The following ZNF83 variants were observed in gnomAD, a reference collection of about 807,000 sequenced individuals.
ZNF83 encodes zinc finger protein 83, also known as zinc finger protein 816B.
For missense variants in ZNF83, 552 were observed against 629.9 expected (o/e 0.88, Z 1.32); for synonymous variants, 209 against 213.0 (o/e 0.98, Z 0.17).
chr19:52,614,108 C>T (rs1336186019), exon 3 of ZNF83: 23 of 1,613,758 alleles, frequency 1.4e-5, no homozygotes, highest in Non-Finnish European at 1.9e-5. Context: ...TTGCCACATT[C>T]ATTACATTTA....
intron 1 of ZNF83, among the ~76,000 whole-genome samples, chr19:52,677,329 A>AAAAAAT (rs1555791128): frequency 3.9e-5 from 5 of 129,134 alleles, no homozygotes; most frequent in African/African-American, 5.9e-5. Flanking sequence ...AAAAAAAAAA[A>AAAAAAT]ACAAAAATTA....
At chr19:52,634,470 A>G (rs1383224641) in intron 2 of ZNF83, among the ~76,000 whole-genome samples, 2 of 152,184 alleles carry the variant, frequency 1.3e-5, no homozygotes, top group Middle Eastern at 3.2e-3. Flanking sequence ...ATCTCCTGCT[A>G]TTATTCAGGT....
At chr19:52,675,679 T>C (rs1416790438) in intron 1 of ZNF83, among the ~76,000 whole-genome samples, 1 of 152,038 alleles carries the variant, frequency 6.6e-6, no homozygotes, top group Non-Finnish European at 1.5e-5. Flanking sequence ...CAGATCAATG[T>C]ACCATGTGAT....
intron 2 of ZNF83, among the ~76,000 whole-genome samples, chr19:52,624,828 T>C (rs921739396): frequency 5.5e-4 from 84 of 152,254 alleles, no homozygotes; most frequent in African/African-American, 2.0e-3. Flanking sequence ...TCCACATTTC[T>C]CATAACTTCC....
chr19:52,678,897 C>T (rs980822260), intron 1 of ZNF83, among the ~76,000 whole-genome samples: 8 of 151,580 alleles, frequency 5.3e-5, no homozygotes, highest in African/African-American at 1.7e-4. Context: ...ATCACTTGAA[C>T]CCAGGAGGCC....
chr19:52,630,142 C>T (rs894854803), intron 2 of ZNF83, among the ~76,000 whole-genome samples: 5 of 152,196 alleles, frequency 3.3e-5, no homozygotes, highest in East Asian at 1.9e-4. Context: ...CACTGAAAAT[C>T]GGACCGTTCA....
At chr19:52,669,674 C>T (rs1347122138) in intron 1 of ZNF83, among the ~76,000 whole-genome samples, 5 of 152,136 alleles carry the variant, frequency 3.3e-5, no homozygotes, top group African/African-American at 1.2e-4. Flanking sequence ...TAAATGACCC[C>T]TTTTCAGGAT....
In ZNF83 at chr19:52,683,802, C is replaced by T. The variant is rs114673579; in HGVS notation, c.-283+6641G>A. 4.6e-3 allele frequency among the ~76,000 whole-genome samples: 693 copies of T among 152,240 alleles called. 6 individuals are homozygous for T. The highest frequency in any genetic ancestry group is 0.016 in the African/African-American group (650 of 41,548). Reference sequence around the variant, plus strand: ...TGTGGGAACATCCTCACATTTGCCCCAGCCCCTCAGTCTTCCGAGGACACC... The same window carrying T: ...TGTGGGAACATCCTCACATTTGCCCTAGCCCCTCAGTCTTCCGAGGACACC... On this transcript the variant is annotated intron_variant, in intron 1 of 5. Coordinates refer to the ZNF83 transcript ENST00000594682.
intron 1 of ZNF83, among the ~76,000 whole-genome samples, chr19:52,687,965 T>A (rs1013451695): frequency 6.6e-6 from 1 of 152,090 alleles, no homozygotes; most frequent in Non-Finnish European, 1.5e-5. Flanking sequence ...GCTCTCTGGC[T>A]GAATAGGGAT....
chr19:52,665,936 A>G (rs1351038143), intron 1 of ZNF83, among the ~76,000 whole-genome samples: 1 of 152,008 alleles, frequency 6.6e-6, no homozygotes, highest in Non-Finnish European at 1.5e-5. Context: ...TGAGGTGGGC[A>G]AATCACGAGG....
chr19:52,624,445 T>C (rs1568539747), intron 2 of ZNF83, among the ~76,000 whole-genome samples: 3 of 152,240 alleles, frequency 2.0e-5, no homozygotes. Flanking sequence ...CATGGTTGGA[T>C]ACTTTCACCT....
chr19:52,686,503 GAA>G (rs5828522), intron 1 of ZNF83, among the ~76,000 whole-genome samples: 417 of 143,948 alleles, frequency 2.9e-3, no homozygotes, highest in Non-Finnish European at 3.8e-3. Context: ...AAACCAGAAA[GAA>G]AAAAAAAAAG....
chr19:52,629,729 T>C (rs924307852), intron 2 of ZNF83, among the ~76,000 whole-genome samples: 2 of 151,762 alleles, frequency 1.3e-5, no homozygotes, highest in Non-Finnish European at 2.9e-5. Flanking sequence ...ATGACTCGTT[T>C]GGCAGCAACC....
chr19:52,627,688 A>G (rs1331226921), intron 2 of ZNF83, among the ~76,000 whole-genome samples: 1 of 152,160 alleles, frequency 6.6e-6, no homozygotes, highest in Non-Finnish European at 1.5e-5. Flanking sequence ...ACTGGGCTTA[A>G]TGTCAAGGTG....
intron 3 of ZNF83, chr19:52,655,470 T>C (rs2061493052): frequency 8.3e-7 from 1 of 1,200,480 alleles, no homozygotes; most frequent in Non-Finnish European, 1.2e-6. Context: ...AAAGCATGTA[T>C]GCGGCAAAAT....
At chr19:52,645,396 C>G (rs2061359232) in intron 3 of ZNF83, among the ~76,000 whole-genome samples, 1 of 151,970 alleles carries the variant, frequency 6.6e-6, no homozygotes, top group African/African-American at 2.4e-5. Flanking sequence ...CTGGGGTCAA[C>G]AGGAAAATAA....
chr19:52,629,544 GGT>G (rs1461839920), intron 2 of ZNF83, among the ~76,000 whole-genome samples: 2 of 152,136 alleles, frequency 1.3e-5, no homozygotes, highest in East Asian at 3.9e-4. Flanking sequence ...GCTCACACCC[GGT>G]CCGGCTTACA....
intron 3 of ZNF83, among the ~76,000 whole-genome samples, chr19:52,643,444 G>A (rs1240885962): frequency 6.6e-6 from 1 of 151,908 alleles, no homozygotes; most frequent in African/African-American, 2.4e-5. Flanking sequence ...GCTCACTCCT[G>A]TAATCCTAGC....
chr19:52,686,135 T>C (rs1284891679), intron 1 of ZNF83, among the ~76,000 whole-genome samples: 1 of 152,170 alleles, frequency 6.6e-6, no homozygotes, highest in African/African-American at 2.4e-5. Context: ...CTGACATCTT[T>C]ACCAGGTACA....
Sources: gnomAD v4.1 joint callset for allele counts (sites outside exome capture counted in the v4.1 genomes callset) on GRCh38, gnomAD v4.1.1 for gene constraint, MANE v1.5 for transcripts, NCBI Gene and HGNC (gene_info 2026-07-23, HGNC 2026-07-21) for gene names.